KYNU: variants seen among roughly 807,000 people sequenced by gnomAD.
KYNU encodes L-kynurenine hydrolase.
KYNU carries 54 observed loss-of-function variants against 59.2 expected under a neutral mutation model. The observed-to-expected ratio is 0.91, with a 90% CI of 0.73 to 1.14. The LOEUF is 1.14. KYNU is among the 50% of genes most tolerant of loss of function. KYNU has a pLI of 0.00. For synonymous variants in KYNU, 177 were observed against 192.0 expected (o/e 0.92, Z 0.65); for missense variants, 567 against 554.4 (o/e 1.02, Z -0.23).
intron 2 of KYNU, among the ~76,000 whole-genome samples, chr2:142,887,945 C>T (rs997742119): frequency 5.3e-5 from 8 of 152,098 alleles, no homozygotes; most frequent in East Asian, 1.9e-4. Context: ...AAAATAAAAA[C>T]GTTTTCCCCT....
At chr2:142,920,596 T>C (rs565683543) in intron 3 of KYNU, among the ~76,000 whole-genome samples, 25 of 152,340 alleles carry the variant, frequency 1.6e-4, no homozygotes, top group African/African-American at 5.3e-4. Context: ...TTTTGTCTTT[T>C]ATATTTCACC....
chr2:142,988,735 CCTA>C, intron 10 of KYNU: 3 of 839,086 alleles, frequency 3.6e-6, no homozygotes, highest in Non-Finnish European at 6.3e-6. Context: ...TTCTCACACT[CCTA>C]AGCTTCTTTT....
At chr2:142,986,130 T>C in intron 10 of KYNU, 109 bp downstream of exon 10, 1 of 761,196 alleles carries the variant, frequency 1.3e-6, no homozygotes, top group Non-Finnish European at 2.3e-6. Context: ...GGAATTAGGA[T>C]TGGATTATAA....
rs1305968991 is a variant in KYNU at position 142,885,407 on chromosome 2, C to T, written c.40C>T (p.Gln14Ter). The T allele has an allele frequency of 6.2e-7, 1 of 1,613,856 alleles. No homozygotes were observed. The highest frequency in any genetic ancestry group is 8.5e-7 in the Non-Finnish European group (1 of 1,179,966). ...TCTTGAGCTGCCGGCTGACACAGTGCAGCGCATTGCGGCTGAACTCAAATG... is the reference window on the plus strand; with the variant it reads ...TCTTGAGCTGCCGGCTGACACAGTGTAGCGCATTGCGGCTGAACTCAAATG... ...SSLELPADTV[Q>*]RIAAELKCHP... Residue 14 changes from glutamine (Q) to a stop codon, truncating the protein, a stop_gained, in exon 2 of 14, where the codon CAG (glutamine) becomes TAG (stop). Transcript: ENST00000264170. LOFTEE classifies it high-confidence loss of function.
In KYNU at chr2:143,033,242, A is replaced by G. The variant is rs1346542753; in HGVS notation, c.962A>G (p.Gln321Arg). 1.2e-6 allele frequency: 2 copies of G among 1,608,466 alleles called. No individual in the cohort carries two copies. Among genetic ancestry groups the G allele is most frequent in the Non-Finnish European group, 1.7e-6 (2 of 1,174,894 alleles). The change falls in exon 12 of 14, where the codon CAG becomes CGG. Residue 321 changes from glutamine (Q) to arginine (R), a missense_variant. Physicochemically the swap from Gln to Arg is conservative, Grantham distance 43. Coordinates refer to ENST00000264170, the MANE Select transcript of KYNU (RefSeq NM_003937.3). ...CATGATATTAATTTCTCAGAACTGC[A>G]GTTAATCCCTGGGGTCTGTGGATTC... Reference protein sequence around the residue: ...STRFKMDNKLQLIPGVCGFRI... With the variant: ...STRFKMDNKLRLIPGVCGFRI...
intron 11 of KYNU, 75 bp downstream of exon 11, chr2:143,029,754 T>C (rs1573914587): frequency 1.1e-6 from 1 of 896,910 alleles, no homozygotes; most frequent in South Asian, 1.3e-5. Context: ...TTGTATTATG[T>C]GTAATGTATA....
At chr2:142,974,811 G>C (rs1349391853) in intron 8 of KYNU, among the ~76,000 whole-genome samples, 3 of 152,082 alleles carry the variant, frequency 2.0e-5, no homozygotes, top group Non-Finnish European at 4.4e-5. Context: ...AGGAATCCAG[G>C]GTTTTTATTG....
intron 3 of KYNU, among the ~76,000 whole-genome samples, chr2:142,920,500 G>T (rs2104997199): frequency 6.6e-6 from 1 of 152,162 alleles, no homozygotes. Flanking sequence ...ATATCCTTAT[G>T]GTCATCCACT....
chr2:142,939,916 C>G (rs1054304397), intron 4 of KYNU, among the ~76,000 whole-genome samples: 1 of 152,168 alleles, frequency 6.6e-6, no homozygotes, highest in Non-Finnish European at 1.5e-5. Context: ...GCCCTGGATG[C>G]TTAGGTCTGG....
chr2:142,986,687 T>C (rs1233008493), intron 10 of KYNU, among the ~76,000 whole-genome samples: 1 of 151,676 alleles, frequency 6.6e-6, no homozygotes, highest in Non-Finnish European at 1.5e-5. Flanking sequence ...TTTTTTCTGG[T>C]ATGGAAATAA....
chr2:143,028,570 G>A (rs1686645539), intron 10 of KYNU, among the ~76,000 whole-genome samples: 1 of 150,394 alleles, frequency 6.6e-6, no homozygotes, highest in African/African-American at 2.4e-5. Flanking sequence ...ATGAGGCCAG[G>A]CGTGGTGGCT....
chr2:142,984,654 G>A (rs1685147340), intron 8 of KYNU, among the ~76,000 whole-genome samples: 1 of 151,964 alleles, frequency 6.6e-6, no homozygotes, highest in Admixed American at 6.6e-5. Context: ...ATAGAATTAA[G>A]ATATTGAGAT....
At position 143,032,425 on chromosome 2, in the gene KYNU, C is replaced by T. The variant is rs551709117; in HGVS notation, c.956-811C>T. Among the ~76,000 whole-genome samples, 38 of 152,262 alleles carry T rather than the reference C, an allele frequency of 2.5e-4. 1 individual carries two copies. In the South Asian group the frequency reaches 3.3e-3, roughly 13 times the overall value. ...TTCACCTCCCATCAGGTCCCACCCT[C>T]GACATATGGGGATTACAATTCAAGA... On this transcript the variant is annotated intron_variant, in intron 11 of 13. Transcript: ENST00000264170.
At position 143,043,623 on chromosome 2, in the gene KYNU, C is replaced by T. The variant is rs1687115042; in HGVS notation, c.*1451C>T. ...GTTATCTCCCTTAATTGAGTGGCTA[C>T]ATACTGCTTTAGCAAATCTTCCTAC... On this transcript the variant is annotated 3_prime_UTR_variant, in exon 14 of 14. Transcript: ENST00000264170. 1 of 151,266 alleles carries T rather than the reference C, an allele frequency of 6.6e-6. No individual in the cohort carries two copies. The highest frequency in any genetic ancestry group is 2.4e-5 in the African/African-American group (1 of 41,260). The allele number at this position is 151,266 out of a possible 1,614,324, so 9.4% of individuals were successfully genotyped here.
At chr2:143,034,994 C>G (rs1432361197) in intron 12 of KYNU, among the ~76,000 whole-genome samples, 1 of 152,158 alleles carries the variant, frequency 6.6e-6, no homozygotes, top group African/African-American at 2.4e-5. Context: ...TAGTATTCAC[C>G]CTTCTCTTGT....
intron 10 of KYNU, among the ~76,000 whole-genome samples, chr2:142,988,358 G>A (rs1685285993): frequency 6.6e-6 from 1 of 151,880 alleles, no homozygotes; most frequent in African/African-American, 2.4e-5. Flanking sequence ...TATGGTTTGT[G>A]ACTTTGTAGG....
chr2:142,934,373 A>G (rs1245852220), intron 4 of KYNU, among the ~76,000 whole-genome samples: 1 of 152,154 alleles, frequency 6.6e-6, no homozygotes, highest in African/African-American at 2.4e-5. Context: ...GGAGGAGTAG[A>G]AGAAAGTTAG....
At chr2:143,024,061 A>C (rs1416420589) in intron 10 of KYNU, among the ~76,000 whole-genome samples, 1 of 151,890 alleles carries the variant, frequency 6.6e-6, no homozygotes, top group Admixed American at 6.5e-5. Context: ...AAAATGTAAA[A>C]TAAAGCAAGA....
intron 4 of KYNU, among the ~76,000 whole-genome samples, chr2:142,942,934 C>A (rs942876134): frequency 6.6e-6 from 1 of 152,166 alleles, no homozygotes; most frequent in African/African-American, 2.4e-5. Flanking sequence ...TTGAGGCATT[C>A]TTCCCTTACC....
Sources: gnomAD v4.1 joint callset for allele counts (sites outside exome capture counted in the v4.1 genomes callset) on GRCh38, gnomAD v4.1.1 for gene constraint, MANE v1.5 for transcripts, NCBI Gene and HGNC (gene_info 2026-07-23, HGNC 2026-07-21) for gene names.